The following PLEKHG6 variants were observed in gnomAD, a reference collection of about 807,000 sequenced individuals.
The protein encoded by PLEKHG6 is pleckstrin homology domain-containing family G member 6.
A neutral mutation model predicts 97.5 loss-of-function variants in PLEKHG6; 91 were observed. The observed-to-expected ratio is 0.93, with a 90% CI of 0.79 to 1.11. The LOEUF is 1.11. Ranked by LOEUF, PLEKHG6 falls within the 50% of genes most tolerant of loss-of-function variation. The pLI is 0.00. For missense variants in PLEKHG6, 1,044 were observed against 1,031.0 expected, an observed-to-expected ratio of 1.01 and a Z score of -0.17; for synonymous variants, 466 against 425.5, an observed-to-expected ratio of 1.10 and a Z score of -1.17.
rs574799814 is a variant in PLEKHG6, at chr12:6,315,206, G to A, written c.459+37G>A. On this transcript the variant is annotated intron_variant, in intron 4 of 15. Transcript: ENST00000684764. This position sits in a 1 kb window ranked among gnomAD's most constrained non-coding sequence, Gnocchi z 4.5. ...ACTCACAAGGTGAGTCTGTCCCCAC[G>A]GCGTGAATGCACACACAGATTCTGC... 51 of 1,581,082 alleles carry A rather than the reference G, an allele frequency of 3.2e-5. No individual in the cohort carries two copies. In the South Asian group the frequency reaches 3.4e-4, roughly 10 times the overall value.
intron 2 of PLEKHG6, chr12:6,313,301 A>G: frequency 9.7e-7 from 1 of 1,034,836 alleles, no homozygotes; most frequent in Non-Finnish European, 1.5e-6. Flanking sequence ...TGGTACGGAG[A>G]GCAGGAGGCA....
Position 6,326,579 on chromosome 12 carries a change from G to A in PLEKHG6, c.1670+6G>A. ...CAGAGCAGCGCAGAGGGGAGGTAAG[G>A]CTCACACGGACTACAAGGTCTCCCC... On this transcript the variant is annotated splice_donor_region_variant and intron_variant, in intron 14 of 15. Coordinates refer to ENST00000684764, the MANE Select transcript of PLEKHG6 (RefSeq NM_001384598.1). The A allele has an allele frequency of 6.7e-7, 1 of 1,489,942 alleles. No homozygotes were observed. The highest frequency in any genetic ancestry group is 1.4e-5 in the South Asian group (1 of 72,570). 92.3% of individuals were successfully genotyped at this position (1,489,942 alleles called of 1,614,324 possible).
At chr12:6,313,545 G>C in intron 2 of PLEKHG6, 84 bp from the exon 3 acceptor site, 1 of 1,506,324 alleles carries the variant, frequency 6.6e-7, no homozygotes, top group Non-Finnish European at 9.0e-7. Flanking sequence ...ACAACATCTA[G>C]AGCCAAGCCT....
Position 6,318,286 on chromosome 12 carries a change from C to T in PLEKHG6, c.1156-15C>T. On this transcript the variant is annotated splice_polypyrimidine_tract_variant and intron_variant, in intron 10 of 15. Coordinates refer to ENST00000684764, the MANE Select transcript of PLEKHG6 (RefSeq NM_001384598.1). ...ACTGCCGAGCGCCCTGACCCCTCCC[C>T]TCTGTGTCCCTCAGAACCTGCGCCC... 1 of 1,613,908 alleles carries T rather than the reference C, an allele frequency of 6.2e-7. No homozygotes were observed. Among genetic ancestry groups the T allele is most frequent in the South Asian group, 1.1e-5 (1 of 91,062 alleles).
intron 13 of PLEKHG6, among the ~76,000 whole-genome samples, chr12:6,325,346 G>C (rs192191920): frequency 2.9e-4 from 44 of 152,236 alleles, no homozygotes; most frequent in African/African-American, 1.0e-3. Context: ...ACCTCTCTAG[G>C]TCTAGGTTTC....
At chr12:6,313,243 G>C (rs371531196) in intron 2 of PLEKHG6, 1 of 1,477,154 alleles carries the variant, frequency 6.8e-7, no homozygotes, top group Admixed American at 2.0e-5. Context: ...GGAGAGTTAC[G>C]AGAGACCAGA....
intron 13 of PLEKHG6, among the ~76,000 whole-genome samples, chr12:6,325,610 C>T (rs1592036382): frequency 6.6e-6 from 1 of 152,334 alleles, no homozygotes; most frequent in South Asian, 2.1e-4. Flanking sequence ...CCCACCTCTG[C>T]CCACGTTCTG....
rs762987766 is a variant in PLEKHG6, at chr12:6,327,613, G to A, written c.2030G>A (p.Arg677Gln). The A allele has an allele frequency of 1.8e-5, 28 of 1,578,750 alleles. 1 individual carries two copies. Among genetic ancestry groups the A allele is most frequent in the Admixed American group, 3.7e-5 (2 of 54,716 alleles). Residue 677 changes from arginine to glutamine, a missense_variant, in exon 15 of 16, where the codon CGA becomes CAA. By Grantham distance (43) the Arg-to-Gln change is conservative (BLOSUM62 1). Coordinates refer to ENST00000684764, the MANE Select transcript of PLEKHG6 (RefSeq NM_001384598.1). ...WSEEEDGASE[R>Q]GNVVVETLHR... ...GAGGAAGAAGATGGGGCCTCCGAGC[G>A]AGGGAATGTGGTGGTGGAAACACTC...
rs184715348 is a variant in PLEKHG6, at chr12:6,314,122, G to A, written c.294+338G>A. On this transcript the variant is annotated intron_variant, in intron 3 of 15. Coordinates refer to ENST00000684764, the MANE Select transcript of PLEKHG6 (RefSeq NM_001384598.1). ...CCACATCATCCTTCACTGCCACTGT[G>A]AGCCTCACCTCTCCTCCCAAGCCAC... Among the ~76,000 whole-genome samples the A allele has an allele frequency of 8.5e-5, 13 of 152,250 alleles. No homozygotes were observed. In the East Asian group the frequency reaches 2.5e-3, roughly 29 times the overall value.
At chr12:6,324,715 G>C (rs79695633) in intron 13 of PLEKHG6, among the ~76,000 whole-genome samples, 3,439 of 152,288 alleles carry the variant, frequency 0.023, 136 homozygotes, top group African/African-American at 0.078. Flanking sequence ...AAAGCAGAAT[G>C]GGAACTATAA....
At chr12:6,314,915 C>T in intron 3 of PLEKHG6, 90 bp from the exon 4 acceptor site, 2 of 1,231,168 alleles carry the variant, frequency 1.6e-6, no homozygotes, top group South Asian at 2.7e-5. Context: ...CACACTTTAA[C>T]ACACATGCAC....
intron 13 of PLEKHG6, among the ~76,000 whole-genome samples, chr12:6,320,036 G>A (rs957393449): frequency 1.3e-5 from 2 of 152,198 alleles, no homozygotes; most frequent in East Asian, 1.9e-4. Context: ...GGAGCAGAAC[G>A]TGCAAAGGCG....
At chr12:6,314,432 G>A (rs1174174202) in intron 3 of PLEKHG6, among the ~76,000 whole-genome samples, 10 of 152,190 alleles carry the variant, frequency 6.6e-5, no homozygotes, top group East Asian at 5.8e-4. Context: ...GCTTGAACCC[G>A]GTAGGTGGAG....
In PLEKHG6 at chr12:6,322,035, G is replaced by A. The variant is rs11064140; in HGVS notation, c.1524+2927G>A. On this transcript the variant is annotated intron_variant, in intron 13 of 15. Transcript: ENST00000684764. The stretch of plus-strand genomic sequence containing the variant: ...ACACAATGACTACCTGCTTCCTAGG[G>A]AGATTCAAAGCTGTCATTCGGCTTA... Among the ~76,000 whole-genome samples, 579 of 152,190 alleles carry A rather than the reference G, an allele frequency of 3.8e-3. 6 individuals are homozygous for A. Among genetic ancestry groups the A allele is most frequent in the African/African-American group, 0.013 (536 of 41,510 alleles).
intron 11 of PLEKHG6, 74 bp from the exon 12 acceptor site, chr12:6,318,671 G>A: frequency 1.3e-6 from 2 of 1,521,740 alleles, no homozygotes; most frequent in South Asian, 2.3e-5. Flanking sequence ...CACCATGCCT[G>A]AGCCTCCTCC....
At chr12:6,320,478 C>A (rs185828651) in intron 13 of PLEKHG6, among the ~76,000 whole-genome samples, 1 of 152,056 alleles carries the variant, frequency 6.6e-6, no homozygotes, top group Non-Finnish European at 1.5e-5. Context: ...TTGCCCCAGG[C>A]GTTCCGTGGC....
In PLEKHG6 at chr12:6,316,755, G is replaced by C. The variant is rs922141291; in HGVS notation, c.756+351G>C. ...GTGTAAAAGGCCACAGGAGGCACCC[G>C]GGGCACGGAGAAGAGTGACAAGAGA... On this transcript the variant is annotated intron_variant, in intron 7 of 15. Transcript: ENST00000684764. This position sits in a 1 kb window ranked among gnomAD's most constrained non-coding sequence, Gnocchi z 4.1. Among the ~76,000 whole-genome samples, 1 of 152,166 alleles carries C rather than the reference G, an allele frequency of 6.6e-6. No homozygotes were observed. The highest frequency in any genetic ancestry group is 2.4e-5 in the African/African-American group (1 of 41,422).
Position 6,315,070 on chromosome 12 carries a change from G to C in PLEKHG6, c.360G>C (p.Arg120=), listed in dbSNP as rs375432667. Residue 120 remains arginine (R), a synonymous_variant, in exon 4 of 16, where the codon CGG becomes CGC. Transcript: ENST00000684764. This position sits in a 1 kb window ranked among gnomAD's most constrained non-coding sequence, Gnocchi z 4.5. ...CTTTCAGCATGTTTGGGATGCCCCG[G>C]CTGCCCCCTGAGGACCGGCGGCACT... ...LHTFSMFGMP[R]LPPEDRRHWE... 6.3e-5 allele frequency: 101 copies of C among 1,613,686 alleles called. No individual in the cohort carries two copies. Among genetic ancestry groups the C allele is most frequent in the Non-Finnish European group, 8.3e-5 (98 of 1,180,022 alleles).
intron 13 of PLEKHG6, among the ~76,000 whole-genome samples, chr12:6,325,730 A>T (rs1417816330): frequency 2.0e-5 from 3 of 152,102 alleles, no homozygotes; most frequent in Non-Finnish European, 2.9e-5. Context: ...ATCACCACCA[A>T]CCAGGGAGGG....
Sources: allele counts gnomAD v4.1 joint callset (sites outside exome capture counted in the v4.1 genomes callset), GRCh38; gene constraint gnomAD v4.1.1; non-coding constraint Gnocchi (gnomAD v3.1); transcripts MANE v1.5; gene names NCBI Gene and HGNC (gene_info 2026-07-23, HGNC 2026-07-21).